DBX2: variants seen among roughly 807,000 people sequenced by gnomAD.
The protein encoded by DBX2 is homeobox protein DBX2.
In DBX2, 16 loss-of-function variants were observed where a neutral mutation model predicts 17.7. The observed-to-expected ratio is 0.90, with a 90% confidence interval of 0.61 to 1.37. DBX2 has a LOEUF of 1.37. Ranked by LOEUF, DBX2 falls within the 40% of genes most tolerant of loss-of-function variation. The pLI is 0.00. For missense variants in DBX2, 538 were observed against 433.8 expected (o/e 1.24, Z -2.13); for synonymous variants, 255 against 183.8 (o/e 1.39, Z -3.13).
At chr12:45,042,675 A>G (rs1000692633) in intron 1 of DBX2, among the ~76,000 whole-genome samples, 3 of 152,218 alleles carry the variant, frequency 2.0e-5, no homozygotes, top group Admixed American at 6.5e-5. Context: ...CATGATGAAC[A>G]CTACATTTGA....
intron 1 of DBX2, among the ~76,000 whole-genome samples, chr12:45,048,220 C>T (rs752801419): frequency 6.6e-6 from 1 of 152,118 alleles, no homozygotes; most frequent in Non-Finnish European, 1.5e-5. Flanking sequence ...TTAAAAATAA[C>T]TCTGGGGCTT....
Position 45,016,582 on chromosome 12 carries a change from G to A in DBX2, c.724C>T (p.Arg242Trp), listed in dbSNP as rs773942722. 11 of 1,551,868 alleles carry A rather than the reference G, an allele frequency of 7.1e-6. No homozygotes were observed. The highest frequency in any genetic ancestry group is 4.0e-5 in the Admixed American group (2 of 49,406). The change falls in exon 4 of 4, where the codon CGG becomes TGG. Residue 242 changes from arginine to tryptophan, a missense_variant. By Grantham distance (101) the Arg-to-Trp change is moderately radical. Transcript: ENST00000332700. ...AGCACTTCCTTTTCTTTGGAATTCC[G>A]CCATTTCATCCTCCTGTTCTGAAAC... is the stretch of plus-strand genomic sequence containing the variant. ...IWFQNRRMKW[R>W]NSKEKEVLSN...
At chr12:45,029,874 T>TAAAAAAAAAA (rs80164167) in intron 2 of DBX2, among the ~76,000 whole-genome samples, 5 of 87,102 alleles carry the variant, frequency 5.7e-5, no homozygotes, top group Non-Finnish European at 9.0e-5. Context: ...AAAAAAAAAA[T>TAAAAAAAAAA]AATAAAAATA....
At chr12:45,016,960 T>A (rs573202048) in intron 3 of DBX2, among the ~76,000 whole-genome samples, 6 of 152,076 alleles carry the variant, frequency 3.9e-5, no homozygotes, top group African/African-American at 1.2e-4. Flanking sequence ...ATTTTTATAT[T>A]TTTTTTGTAC....
Position 45,050,109 on chromosome 12 carries a change from C to G in DBX2, c.403+416G>C, listed in dbSNP as rs148269637. On this transcript the variant is annotated intron_variant, in intron 1 of 3. Coordinates refer to ENST00000332700, the MANE Select transcript of DBX2 (RefSeq NM_001004329.3). ...TTGGGCCGCGCAAAGCTCTCCTTGT[C>G]AAGAACTTTTCTGAGAGCTGGTGTC... is the stretch of plus-strand genomic sequence containing the variant. 5.3e-3 allele frequency among the ~76,000 whole-genome samples: 802 copies of G among 152,252 alleles called. 7 individuals carry two copies. The highest frequency in any genetic ancestry group is 0.018 in the African/African-American group (754 of 41,544).
intron 3 of DBX2, among the ~76,000 whole-genome samples, chr12:45,021,683 C>T (rs1163236027): frequency 2.0e-5 from 3 of 152,184 alleles, no homozygotes; most frequent in Admixed American, 2.0e-4. Context: ...GGCCCAACAG[C>T]TCCTCTGAGA....
At chr12:45,044,227 G>T (rs79375184) in intron 1 of DBX2, among the ~76,000 whole-genome samples, 7 of 143,272 alleles carry the variant, frequency 4.9e-5, no homozygotes, top group Non-Finnish European at 7.4e-5. Context: ...ACAATCAGAT[G>T]GTCTTTTTTT....
intron 1 of DBX2, among the ~76,000 whole-genome samples, chr12:45,039,361 T>C (rs1287148181): frequency 6.8e-6 from 1 of 147,440 alleles, no homozygotes; most frequent in Non-Finnish European, 1.5e-5. Flanking sequence ...TATACTTTTT[T>C]TAAGTAATGA....
chr12:45,029,604 C>T (rs575479117), intron 2 of DBX2, among the ~76,000 whole-genome samples: 7 of 152,226 alleles, frequency 4.6e-5, no homozygotes, highest in African/African-American at 1.7e-4. Flanking sequence ...GTGGCTCATG[C>T]CTGTAATCCC....
intron 2 of DBX2, among the ~76,000 whole-genome samples, chr12:45,026,462 A>G (rs561666116): frequency 6.6e-6 from 1 of 152,352 alleles, no homozygotes; most frequent in African/African-American, 2.4e-5. Flanking sequence ...TTTTACAGAA[A>G]TAAAATGAAA....
At chr12:45,039,323 G>GTA (rs1291587255) in intron 1 of DBX2, among the ~76,000 whole-genome samples, 2 of 84,538 alleles carry the variant, frequency 2.4e-5, no homozygotes, top group East Asian at 5.7e-4. Context: ...ATATATATAT[G>GTA]TATCACACTT....
At chr12:45,050,370 C>T (rs1014570564) in intron 1 of DBX2, among the ~76,000 whole-genome samples, 155 bp downstream of exon 1, 5 of 152,238 alleles carry the variant, frequency 3.3e-5, no homozygotes, top group Non-Finnish European at 5.9e-5. Context: ...CCCCTACTCC[C>T]GAAGTGGCAT....
At chr12:45,031,830 C>G (rs549483876) in intron 2 of DBX2, among the ~76,000 whole-genome samples, 1 of 152,128 alleles carries the variant, frequency 6.6e-6, no homozygotes, top group African/African-American at 2.4e-5. Context: ...GCTGACAGTA[C>G]GCTTTCCTGC....
intron 1 of DBX2, among the ~76,000 whole-genome samples, chr12:45,038,770 AT>A (rs1946453756): frequency 2.0e-5 from 3 of 152,094 alleles, no homozygotes; most frequent in African/African-American, 7.2e-5. Flanking sequence ...TTAGTGATAA[AT>A]GTGGTTTACA....
Position 45,025,004 on chromosome 12 carries a change from A to G in DBX2, c.500-1110T>C, listed in dbSNP as rs555776838. On this transcript the variant is annotated intron_variant, in intron 2 of 3. Transcript: ENST00000332700. ...GAGAGTTTACAGGCTTTCATAGTTC[A>G]TTCACTCATTCTGCTTCCCAGGTGT... is the stretch of plus-strand genomic sequence containing the variant. Among the ~76,000 whole-genome samples, 5 of 152,314 alleles carry G rather than the reference A, an allele frequency of 3.3e-5. No homozygotes were observed. The South Asian group carries it at 8.3e-4, about 25-fold the overall frequency.
intron 2 of DBX2, among the ~76,000 whole-genome samples, chr12:45,030,913 C>T: frequency 6.6e-6 from 1 of 152,128 alleles, no homozygotes; most frequent in African/African-American, 2.4e-5. Flanking sequence ...CTTCTCAGAA[C>T]TGAAAGGGAT....
chr12:45,046,596 T>C (rs1358311856), intron 1 of DBX2, among the ~76,000 whole-genome samples: 1 of 152,184 alleles, frequency 6.6e-6, no homozygotes, highest in Non-Finnish European at 1.5e-5. Flanking sequence ...ATCCCTTTTC[T>C]CCCTTGCGTA....
intron 3 of DBX2, among the ~76,000 whole-genome samples, chr12:45,022,711 C>T (rs540168624): frequency 6.6e-6 from 1 of 152,272 alleles, no homozygotes; most frequent in Admixed American, 6.5e-5. Context: ...CCTTTAGTCC[C>T]TTTATGTTAA....
At chr12:45,047,991 A>G (rs766704473) in intron 1 of DBX2, among the ~76,000 whole-genome samples, 14 of 152,196 alleles carry the variant, frequency 9.2e-5, no homozygotes, top group Non-Finnish European at 1.8e-4. Context: ...TGTAAGCTCT[A>G]CAAGGGCCGA....
Sources: allele counts gnomAD v4.1 joint callset (sites outside exome capture counted in the v4.1 genomes callset), GRCh38; gene constraint gnomAD v4.1.1; transcripts MANE v1.5; gene names NCBI Gene and HGNC (gene_info 2026-07-23, HGNC 2026-07-21).